Variants in PSMG4 observed in about 807,000 individuals in gnomAD.
PSMG4 encodes proteasome assembly chaperone 4, also known as proteasome (prosome, macropain) assembly chaperone 4.
In PSMG4, 10 loss-of-function variants were observed where a neutral mutation model predicts 11.0. The ratio of observed to expected loss-of-function variants is 0.91; its 90% CI spans 0.56 to 1.54. The LOEUF is 1.54. Ranked by LOEUF, PSMG4 falls within the 40% of genes most tolerant of loss-of-function variation. PSMG4 has a pLI of 0.00. For missense variants in PSMG4, 198 were observed against 160.9 expected (o/e 1.23, Z -1.25); for synonymous variants, 95 against 71.3 (o/e 1.33, Z -1.68).
chr6:3,259,227 G>T, intron 1 of PSMG4, 31 bp downstream of exon 1: 1 of 1,264,206 alleles, frequency 7.9e-7, no homozygotes, highest in South Asian at 3.1e-5. Context: ...GGTGCGGGCG[G>T]CGGGGCGGGG....
intron 2 of PSMG4, chr6:3,264,344 C>G: frequency 6.5e-7 from 1 of 1,545,856 alleles, no homozygotes. Context: ...TCCATGTGCT[C>G]TGCGACCCCC....
At chr6:3,267,061 T>A in intron 2 of PSMG4, 1 of 152,148 alleles carries the variant, frequency 6.6e-6, no homozygotes, top group Non-Finnish European at 1.5e-5. Context: ...TTCAACGTGT[T>A]AGCCAGGATG....
upstream of PSMG4, among the ~76,000 whole-genome samples, chr6:3,256,223 TAG>T: frequency 6.6e-6 from 1 of 152,336 alleles, no homozygotes; most frequent in South Asian, 2.1e-4. Flanking sequence ...TCCACTATGA[TAG>T]CTCCTACCCT....
At chr6:3,267,244 G>A in intron 2 of PSMG4, 1 of 207,204 alleles carries the variant, frequency 4.8e-6, no homozygotes, top group Non-Finnish European at 9.9e-6. Context: ...GCAGTGCGGG[G>A]CACCTGCAGG....
chr6:3,259,480 C>T (rs1220888683), intron 1 of PSMG4, among the ~76,000 whole-genome samples: 1 of 152,236 alleles, frequency 6.6e-6, no homozygotes, highest in Non-Finnish European at 1.5e-5. Context: ...TCGCCACACG[C>T]TCGCTGGGGG....
rs1758233951 is a variant in PSMG4 at position 3,267,368 on chromosome 6, C to T, written c.251-223C>T. Reference sequence around the variant, plus strand: ...TCCAGGGAGGCTGCTGAGGTGGGGCCTGCCCTTCAGAACCCTGGGTCTGGT... The same window carrying T: ...TCCAGGGAGGCTGCTGAGGTGGGGCTTGCCCTTCAGAACCCTGGGTCTGGT... On this transcript the variant is annotated intron_variant, in intron 2 of 2. Coordinates refer to ENST00000438998, the MANE Select transcript of PSMG4 (RefSeq NM_001128591.2). 10 of 375,204 alleles carry T rather than the reference C, an allele frequency of 2.7e-5. No homozygotes were observed. In the South Asian group the frequency reaches 2.9e-4, roughly 11 times the overall value. The allele number at this position is 375,204 out of a possible 1,614,324, so 23.2% of individuals were successfully genotyped here.
chr6:3,254,619 A>G (rs1306724563), upstream of PSMG4, among the ~76,000 whole-genome samples: 3 of 152,196 alleles, frequency 2.0e-5, no homozygotes, highest in East Asian at 1.9e-4. Flanking sequence ...GCGTAGCTTT[A>G]AGAGGTGTAA....
upstream of PSMG4, among the ~76,000 whole-genome samples, chr6:3,254,884 C>CCG (rs1474542533): frequency 6.6e-6 from 1 of 151,636 alleles, no homozygotes; most frequent in African/African-American, 2.4e-5. Context: ...GAGGGTGACT[C>CCG]CGACCTTGTA....
At chr6:3,254,721 G>GA (rs1239820847), upstream of PSMG4, among the ~76,000 whole-genome samples, 9 of 152,156 alleles carry the variant, frequency 5.9e-5, no homozygotes, top group African/African-American at 1.9e-4. Flanking sequence ...CTGGACACCA[G>GA]AAAAAACAAA....
At chr6:3,254,450 G>C (rs984273028), upstream of PSMG4, among the ~76,000 whole-genome samples, 4 of 67,914 alleles carry the variant, frequency 5.9e-5, no homozygotes, top group Non-Finnish European at 1.9e-4. Context: ...ATAGTTTTCT[G>C]CTTTTTTTGT....
At chr6:3,259,390 C>G (rs1051577731) in intron 1 of PSMG4, among the ~76,000 whole-genome samples, 194 bp downstream of exon 1, 1 of 152,182 alleles carries the variant, frequency 6.6e-6, no homozygotes, top group South Asian at 2.1e-4. Context: ...GCGCGGGCCC[C>G]GGGCCCCTCT....
chr6:3,254,437 G>A (rs1020467678), upstream of PSMG4, among the ~76,000 whole-genome samples: 3 of 117,478 alleles, frequency 2.6e-5, no homozygotes, highest in Admixed American at 9.8e-5. Context: ...GCTTTGTGCT[G>A]TAATAGTTTT....
chr6:3,263,749 C>T lies in PSMG4; in HGVS notation c.240C>T (p.Ala80=), dbSNP rs370682374. 59 of 1,551,378 alleles carry T rather than the reference C, an allele frequency of 3.8e-5. No individual in the cohort carries two copies. Among genetic ancestry groups the T allele is most frequent in the Non-Finnish European group, 4.6e-5 (53 of 1,146,796 alleles). ...CCGACACGACCTCTACTGGCCTTGC[C>T]CAGCGCCTAGGTATGTACCCACAGC... ...DTSDTTSTGL[A]QRLARKTNKQ... is the part of the protein sequence containing the mutation. The change falls in exon 2 of 3, where the codon GCC becomes GCT. Residue 80 remains alanine (A), a synonymous_variant. Coordinates refer to ENST00000438998, the MANE Select transcript of PSMG4 (RefSeq NM_001128591.2).
chr6:3,255,272 C>CT, upstream of PSMG4: 1 of 1,543,066 alleles, frequency 6.5e-7, no homozygotes, highest in Non-Finnish European at 8.8e-7. Context: ...CCACGGCTGT[C>CT]TTACGGGTCT....
rs1272242573 is a variant in PSMG4, at chr6:3,259,044, G to A, written c.22G>A (p.Ala8Thr). Residue 8 changes from alanine (A) to threonine (T), a missense_variant, in exon 1 of 3, where the codon GCC (alanine) becomes ACC (threonine). Transcript: ENST00000438998. MEGLVVA[A>T]GGDVSLHNFS... is the part of the protein sequence containing the mutation. ...CGGCATGGAGGGGCTGGTTGTCGCC[G>A]CCGGCGGGGACGTCTCCCTGCACAA... The A allele has an allele frequency of 4.8e-6, 6 of 1,252,268 alleles. No homozygotes were observed. The highest frequency in any genetic ancestry group is 3.5e-5 in the South Asian group (1 of 28,880). The allele number at this position is 1,252,268 out of a possible 1,614,324, so 77.6% of individuals were successfully genotyped here. A position where few individuals can be genotyped will look rare whatever the true frequency, so the allele number is the denominator to read the frequency against.
upstream of PSMG4, among the ~76,000 whole-genome samples, chr6:3,254,845 C>CT (rs748020466): frequency 7.9e-5 from 12 of 152,200 alleles, no homozygotes; most frequent in South Asian, 4.1e-4. Context: ...TTAGAAAACA[C>CT]TTTAACTCAG....
At chr6:3,254,802 C>G (rs187592840), upstream of PSMG4, among the ~76,000 whole-genome samples, 6 of 152,192 alleles carry the variant, frequency 3.9e-5, no homozygotes, top group African/African-American at 1.2e-4. Flanking sequence ...GGGGTCAGAG[C>G]AACAAGACAC....
At chr6:3,255,569 T>G (rs1049192788), upstream of PSMG4, among the ~76,000 whole-genome samples, 2 of 152,184 alleles carry the variant, frequency 1.3e-5, no homozygotes, top group Non-Finnish European at 2.9e-5. Context: ...TCTGTTTACA[T>G]GAGATGGTTA....
intron 1 of PSMG4, 61 bp downstream of exon 1, chr6:3,259,257 G>C: frequency 8.2e-7 from 1 of 1,221,072 alleles, no homozygotes; most frequent in South Asian, 3.6e-5. Context: ...CGCCGGGCCT[G>C]CGCGAGCTGC....
Sources: allele counts gnomAD v4.1 joint callset (sites outside exome capture counted in the v4.1 genomes callset), GRCh38; gene constraint gnomAD v4.1.1; transcripts MANE v1.5; gene names NCBI Gene and HGNC (gene_info 2026-07-23, HGNC 2026-07-21).